Variants in TSPAN8 observed in about 807,000 individuals in gnomAD.
TSPAN8 encodes the protein tetraspanin-8.
TSPAN8 carries 21 observed loss-of-function variants against 32.8 expected under a neutral mutation model. The observed-to-expected ratio is 0.64, with a 90% CI of 0.45 to 0.92. TSPAN8 has a LOEUF of 0.92. Ranked by LOEUF, TSPAN8 falls within the 40% of genes least tolerant of loss-of-function variation. The probability of loss-of-function intolerance (pLI) is 0.00; values close to 1 mark genes in which losing one functional copy is unlikely to be tolerated. For missense variants in TSPAN8, 269 were observed against 281.9 expected (o/e 0.95, Z 0.33); for synonymous variants, 95 against 94.6 (o/e 1.00, Z -0.03).
rs1311310085 is a variant in TSPAN8, at chr12:71,157,649, A to G, written c.30T>C (p.Tyr10=). Residue 10 remains tyrosine, a synonymous_variant, in exon 2 of 9, where the codon TAT becomes TAC. Coordinates refer to ENST00000247829, the MANE Select transcript of TSPAN8 (RefSeq NM_004616.3). ...ACAAGAAGTTGAAGGTAAACATAGA[A>G]TATTTTATACAGGCACTCACACCTG... MAGVSACIK[Y]SMFTFNFLFW... is the part of the protein sequence containing the mutation. 6.2e-7 allele frequency: 1 copy of G among 1,613,702 alleles called. No homozygotes were observed.
chr12:71,150,121 C>T (rs1872204323), intron 2 of TSPAN8, among the ~76,000 whole-genome samples: 1 of 152,164 alleles, frequency 6.6e-6, no homozygotes, highest in African/African-American at 2.4e-5. Context: ...TACCCTCAGG[C>T]TTACTAGGAT....
At chr12:71,141,293 G>C (rs1300753824) in intron 3 of TSPAN8, among the ~76,000 whole-genome samples, 2 of 152,140 alleles carry the variant, frequency 1.3e-5, no homozygotes, top group East Asian at 3.8e-4. Flanking sequence ...TTGTTTGTTG[G>C]TTTTTATTGT....
At chr12:71,139,465 T>C (rs1455062582) in intron 4 of TSPAN8, among the ~76,000 whole-genome samples, 1 of 152,252 alleles carries the variant, frequency 6.6e-6, no homozygotes, top group African/African-American at 2.4e-5. Flanking sequence ...ATGGCAGTAA[T>C]GTTGAATGAG....
intron 4 of TSPAN8, 61 bp downstream of exon 4, chr12:71,139,650 G>A (rs1376290436): frequency 3.2e-6 from 5 of 1,580,248 alleles, no homozygotes; most frequent in Non-Finnish European, 4.3e-6. Context: ...AGACAATAGG[G>A]ATGGGAGAGA....
intron 2 of TSPAN8, 97 bp downstream of exon 2, chr12:71,157,522 T>A (rs1872483512): frequency 1.2e-6 from 1 of 814,080 alleles, no homozygotes; most frequent in South Asian, 1.7e-5. Flanking sequence ...TTCCCCCTTC[T>A]CTTATTTCTC....
At chr12:71,131,470 CT>C (rs1473257289) in intron 7 of TSPAN8, among the ~76,000 whole-genome samples, 2 of 151,968 alleles carry the variant, frequency 1.3e-5, no homozygotes, top group African/African-American at 4.8e-5. Flanking sequence ...GAGATACTTT[CT>C]ATTTCCTTTT....
chr12:71,128,509 T>C (rs1055762155), intron 8 of TSPAN8, among the ~76,000 whole-genome samples: 3 of 152,118 alleles, frequency 2.0e-5, no homozygotes, highest in African/African-American at 7.2e-5. Context: ...TGGAATAGGA[T>C]TGTGAGTGAA....
chr12:71,129,179 C>A, intron 8 of TSPAN8, 152 bp downstream of exon 8: 1 of 742,822 alleles, frequency 1.3e-6, no homozygotes, highest in Non-Finnish European at 2.0e-6. Context: ...AGATGATGGG[C>A]CTTTAGCATC....
At chr12:71,138,283 T>G in intron 4 of TSPAN8, 53 bp from the exon 5 acceptor site, 1 of 1,534,010 alleles carries the variant, frequency 6.5e-7, no homozygotes, top group South Asian at 1.1e-5. Flanking sequence ...CAGTAACATC[T>G]GGGGACATTC....
intron 3 of TSPAN8, among the ~76,000 whole-genome samples, chr12:71,141,758 C>A (rs1008881535): frequency 6.6e-6 from 1 of 152,154 alleles, no homozygotes; most frequent in Admixed American, 6.5e-5. Flanking sequence ...CAGATGTTTG[C>A]ACCAGGGGAG....
chr12:71,139,309 T>C (rs1280177556), intron 4 of TSPAN8: 1 of 452,094 alleles, frequency 2.2e-6, no homozygotes, highest in Non-Finnish European at 4.3e-6. Flanking sequence ...TATTCACTTC[T>C]GCCCTGGTTT....
intron 7 of TSPAN8, among the ~76,000 whole-genome samples, chr12:71,131,133 C>T (rs1871507053): frequency 6.6e-6 from 1 of 152,134 alleles, no homozygotes; most frequent in African/African-American, 2.4e-5. Context: ...TACTTATTTC[C>T]TCATTATCCT....
intron 2 of TSPAN8, among the ~76,000 whole-genome samples, chr12:71,150,099 G>C (rs1361288185): frequency 1.3e-5 from 2 of 152,110 alleles, no homozygotes; most frequent in African/African-American, 4.8e-5. Context: ...AATACGCCCT[G>C]GTCTCCTGCA....
intron 3 of TSPAN8, among the ~76,000 whole-genome samples, chr12:71,142,817 G>A (rs1592406286): frequency 6.5e-5 from 7 of 107,300 alleles, no homozygotes; most frequent in Admixed American, 6.5e-4. Flanking sequence ...AAAAGGAAAA[G>A]AACAACAGGA....
In TSPAN8 at chr12:71,138,042, C is replaced by T. The variant is rs781253107; in HGVS notation, c.355G>A (p.Glu119Lys). The change falls in exon 6 of 9, where the codon GAA becomes AAA. Residue 119 changes from glutamate to lysine, a missense_variant. Coordinates refer to ENST00000247829, the MANE Select transcript of TSPAN8 (RefSeq NM_004616.3). ...AGCTTTGTGTTTTCATAGAGAGTTT[C>T]ATTCACAATGCGATCAGACTGAAAA... ...FKSKSDRIVN[E>K]TLYENTKLLS... 2 of 1,613,810 alleles carry T rather than the reference C, an allele frequency of 1.2e-6. No homozygotes were observed. Among genetic ancestry groups the T allele is most frequent in the South Asian group, 1.1e-5 (1 of 91,018 alleles).
chr12:71,147,952 C>T (rs1305628011), intron 2 of TSPAN8, among the ~76,000 whole-genome samples: 2 of 152,142 alleles, frequency 1.3e-5, no homozygotes, highest in Non-Finnish European at 2.9e-5. Flanking sequence ...TTTGCATTTA[C>T]TATTCTGTAT....
At chr12:71,127,381 C>T (rs1871380814) in intron 8 of TSPAN8, among the ~76,000 whole-genome samples, 1 of 151,742 alleles carries the variant, frequency 6.6e-6, no homozygotes, top group Non-Finnish European at 1.5e-5. Context: ...TGATTTGTTT[C>T]CCTTAAAAAG....
chr12:71,129,540 C>A, intron 7 of TSPAN8, 126 bp from the exon 8 acceptor site: 1 of 1,034,528 alleles, frequency 9.7e-7, no homozygotes, highest in Non-Finnish European at 1.3e-6. Context: ...CGACAAGGAA[C>A]TGGGTTATTC....
intron 2 of TSPAN8, among the ~76,000 whole-genome samples, chr12:71,144,662 G>A (rs1872016133): frequency 6.6e-6 from 1 of 152,174 alleles, no homozygotes; most frequent in Non-Finnish European, 1.5e-5. Flanking sequence ...AGATTCGACA[G>A]GAAGGGAGAT....
Sources: allele counts gnomAD v4.1 joint callset (sites outside exome capture counted in the v4.1 genomes callset), GRCh38; gene constraint gnomAD v4.1.1; transcripts MANE v1.5; gene names NCBI Gene and HGNC (gene_info 2026-07-23, HGNC 2026-07-21).